FNDC7: variants seen among roughly 807,000 people sequenced by gnomAD.
FNDC7 encodes the protein fibronectin type III domain containing 7, also known as fibronectin type III domain-containing protein 7.
FNDC7 carries 66 observed loss-of-function variants against 74.2 expected under a neutral mutation model. The observed-to-expected ratio is 0.89, with a 90% CI of 0.73 to 1.09. The LOEUF (loss-of-function observed/expected upper bound fraction) is 1.09, where lower values mean the gene tolerates loss of function less well. Among genes scored for constraint, FNDC7 ranks in the 50% least tolerant of loss-of-function variants. FNDC7 has a pLI of 0.00. For synonymous variants in FNDC7, 307 were observed against 330.2 expected (o/e 0.93, Z 0.76); for missense variants, 829 against 893.4 (o/e 0.93, Z 0.92).
intron 6 of FNDC7, among the ~76,000 whole-genome samples, chr1:108,726,467 T>C (rs762280825): frequency 1.3e-5 from 2 of 152,230 alleles, no homozygotes; most frequent in Non-Finnish European, 2.9e-5. Flanking sequence ...TCAGTGAGGA[T>C]AATGATGCCC....
In FNDC7 at chr1:108,713,092, G is replaced by A. The variant is rs111524884; in HGVS notation, c.63+96G>A. On this transcript the variant is annotated intron_variant, in intron 1 of 12. Transcript: ENST00000370017. ...TTTTTTTTTGAGGAGTTGGGGAATA[G>A]GGAGATAGAAATCAGAATACTTTGG... 3.1e-4 allele frequency: 351 copies of A among 1,118,778 alleles called. 3 individuals carry two copies. In the African/African-American group the frequency reaches 4.4e-3, roughly 14 times the overall value. The allele number at this position is 1,118,778 out of a possible 1,614,324, so 69.3% of individuals were successfully genotyped here.
At position 108,717,411 on chromosome 1, in the gene FNDC7, A is replaced by G. The variant is rs1011415708; in HGVS notation, c.83-366A>G. Among the ~76,000 whole-genome samples, 4 of 151,452 alleles carry G rather than the reference A, an allele frequency of 2.6e-5. No individual in the cohort carries two copies. In the East Asian group the frequency reaches 5.9e-4, roughly 22 times the overall value. ...GCCTGCAAAAGTCACAGAATGCCCA[A>G]TTGGAGTAGAATACTCTGGAAGAAA... On this transcript the variant is annotated intron_variant, in intron 2 of 12. Transcript: ENST00000370017.
At chr1:108,725,689 T>G in intron 5 of FNDC7, 61 bp from the exon 6 acceptor site, 1 of 1,551,666 alleles carries the variant, frequency 6.4e-7, no homozygotes, top group Admixed American at 1.8e-5. Context: ...CTTGGATAAT[T>G]GCAAAGATGC....
chr1:108,713,603 C>A, intron 2 of FNDC7, 74 bp downstream of exon 2: 1 of 1,341,160 alleles, frequency 7.5e-7, no homozygotes, highest in Non-Finnish European at 1.0e-6. Context: ...CACGGGCTAC[C>A]CTGAAATCTA....
At chr1:108,715,949 C>A (rs564393556) in intron 2 of FNDC7, among the ~76,000 whole-genome samples, 12 of 152,292 alleles carry the variant, frequency 7.9e-5, no homozygotes, top group African/African-American at 2.6e-4. Context: ...CCCCGAGTTT[C>A]ATTCTGTGAT....
At chr1:108,718,398 T>C (rs181265791) in intron 3 of FNDC7, among the ~76,000 whole-genome samples, 1 of 152,344 alleles carries the variant, frequency 6.6e-6, no homozygotes, top group East Asian at 1.9e-4. Flanking sequence ...ATAAAAGCAT[T>C]TGGAGTTTGT....
At chr1:108,713,659 A>T in intron 2 of FNDC7, 130 bp downstream of exon 2, 12 of 743,932 alleles carry the variant, frequency 1.6e-5, no homozygotes, top group Non-Finnish European at 2.4e-5. Context: ...GAGCACTCAC[A>T]CTGGGTGCTA....
chr1:108,741,106 A>G (rs1437173248), intron 11 of FNDC7, among the ~76,000 whole-genome samples: 1 of 152,256 alleles, frequency 6.6e-6, no homozygotes, highest in Non-Finnish European at 1.5e-5. Context: ...TGTTTCAACA[A>G]GCCCTCAAAG....
Position 108,720,060 on chromosome 1 carries a change from C to G in FNDC7, c.598+1011C>G, listed in dbSNP as rs780445006. 1.5e-4 allele frequency among the ~76,000 whole-genome samples: 23 copies of G among 152,192 alleles called. 1 individual carries two copies. The South Asian group carries it at 4.8e-3, about 32-fold the overall frequency. On this transcript the variant is annotated intron_variant, in intron 4 of 12. Coordinates refer to ENST00000370017, the MANE Select transcript of FNDC7 (RefSeq NM_001144937.3). The stretch of plus-strand genomic sequence containing the variant: ...GGGAGGTAGTATAATCATAGCCCTG[C>G]GGTGATTCATGACAGTCTTGGTGAG...
intron 11 of FNDC7, among the ~76,000 whole-genome samples, chr1:108,738,461 C>G (rs1192654121): frequency 1.3e-5 from 2 of 152,112 alleles, no homozygotes. Context: ...TTTTAGGGGA[C>G]AGCTTGGTCT....
At chr1:108,714,674 G>C (rs959526655) in intron 2 of FNDC7, among the ~76,000 whole-genome samples, 1 of 132,368 alleles carries the variant, frequency 7.6e-6, no homozygotes, top group East Asian at 2.3e-4. Flanking sequence ...GTGCAATCTC[G>C]GTTCACTGCA....
intron 2 of FNDC7, among the ~76,000 whole-genome samples, chr1:108,715,879 G>A (rs139768462): frequency 1.4e-4 from 22 of 152,278 alleles, no homozygotes; most frequent in Non-Finnish European, 2.6e-4. Context: ...AAATAGCAGG[G>A]CCAGGGCTCA....
chr1:108,726,108 C>A, intron 6 of FNDC7, 104 bp downstream of exon 6: 2 of 1,381,644 alleles, frequency 1.4e-6, no homozygotes, highest in Non-Finnish European at 2.0e-6. Flanking sequence ...GGGAGTCATT[C>A]TAGAGCCAAG....
chr1:108,715,880 C>A (rs1389613941), intron 2 of FNDC7, among the ~76,000 whole-genome samples: 1 of 152,142 alleles, frequency 6.6e-6, no homozygotes, highest in Non-Finnish European at 1.5e-5. Context: ...AATAGCAGGG[C>A]CAGGGCTCAA....
At chr1:108,728,581 T>C in intron 7 of FNDC7, 51 bp from the exon 8 acceptor site, 4 of 1,604,410 alleles carry the variant, frequency 2.5e-6, no homozygotes, top group Non-Finnish European at 3.4e-6. Flanking sequence ...AAATGGCACA[T>C]GTGATATTTT....
intron 5 of FNDC7, among the ~76,000 whole-genome samples, chr1:108,724,323 T>C (rs978070701): frequency 3.9e-5 from 6 of 152,120 alleles, no homozygotes; most frequent in Admixed American, 2.6e-4. Flanking sequence ...GGGTTTGTAC[T>C]GAGTTGTACA....
chr1:108,737,655 C>G, intron 11 of FNDC7, 131 bp downstream of exon 11: 1 of 631,042 alleles, frequency 1.6e-6, no homozygotes, highest in East Asian at 3.0e-5. Context: ...CTCCTGCTCT[C>G]TTATCCCATG....
At chr1:108,730,977 A>G (rs1661332591) in intron 9 of FNDC7, 49 bp downstream of exon 9, 2 of 1,543,298 alleles carry the variant, frequency 1.3e-6, no homozygotes, top group Non-Finnish European at 1.7e-6. Flanking sequence ...GACTATTATC[A>G]ATCCAGGCAT....
intron 9 of FNDC7, among the ~76,000 whole-genome samples, chr1:108,732,203 C>CA (rs1233570494): frequency 1.3e-5 from 2 of 151,884 alleles, no homozygotes; most frequent in Non-Finnish European, 1.5e-5. Context: ...ACTAAAAATA[C>CA]AAAAAAATAG....
Sources: gnomAD v4.1 joint callset for allele counts (sites outside exome capture counted in the v4.1 genomes callset) on GRCh38, gnomAD v4.1.1 for gene constraint, MANE v1.5 for transcripts, NCBI Gene and HGNC (gene_info 2026-07-23, HGNC 2026-07-21) for gene names.